The following OSBPL9 variants were observed in gnomAD, a reference collection of about 807,000 sequenced individuals.
The protein encoded by OSBPL9 is oxysterol binding protein like 9, also known as oxysterol-binding protein-related protein 9.
OSBPL9 carries 40 observed loss-of-function variants against 106.6 expected under a neutral mutation model. The observed-to-expected ratio is 0.38, with a 90% CI of 0.29 to 0.49. OSBPL9 has a LOEUF of 0.49. Ranked by LOEUF, OSBPL9 falls within the 20% of genes least tolerant of loss-of-function variation. The probability of loss-of-function intolerance (pLI) is 0.97; values close to 1 mark genes in which losing one functional copy is unlikely to be tolerated. For missense variants in OSBPL9, 609 were observed against 887.2 expected (o/e 0.69, Z 3.98); for synonymous variants, 269 against 295.4 (o/e 0.91, Z 0.92).
chr1:51,730,069 C>T (rs1202128647), intron 4 of OSBPL9: 3 of 1,274,704 alleles, frequency 2.4e-6, no homozygotes, highest in African/African-American at 3.1e-5. Flanking sequence ...GTCCCGGCCG[C>T]CAGGCCGGAG....
intron 4 of OSBPL9, among the ~76,000 whole-genome samples, chr1:51,719,918 G>A (rs188144698): frequency 1.3e-5 from 2 of 152,314 alleles, no homozygotes; most frequent in African/African-American, 4.8e-5. Context: ...GGTACTCATC[G>A]TTAGGGTATA....
the OSBPL9 span, among the ~76,000 whole-genome samples, chr1:51,526,182 G>A: frequency 6.6e-6 from 1 of 152,190 alleles, no homozygotes; most frequent in Non-Finnish European, 1.5e-5. Flanking sequence ...CTGCCTGAAT[G>A]TTCTTTTTAA....
chr1:51,759,047 CCAAG>C (rs1670955185), intron 9 of OSBPL9, among the ~76,000 whole-genome samples: 1 of 151,858 alleles, frequency 6.6e-6, no homozygotes, highest in South Asian at 2.1e-4. Context: ...ATTAAAAACT[CCAAG>C]TCTCTGTTTC....
chr1:51,786,416 A>C, intron 21 of OSBPL9, 110 bp from the exon 22 acceptor site: 1 of 673,898 alleles, frequency 1.5e-6, no homozygotes, highest in Non-Finnish European at 2.6e-6. Context: ...GGAGCCAGTT[A>C]ACTGCATTTT....
intron 4 of OSBPL9, among the ~76,000 whole-genome samples, chr1:51,731,698 A>G (rs1343453079): frequency 1.3e-5 from 2 of 148,912 alleles, no homozygotes; most frequent in African/African-American, 5.0e-5. Context: ...AATCGCATAA[A>G]CCCTGGAGGG....
At chr1:51,614,830 C>T (rs981102948), upstream of OSBPL9, among the ~76,000 whole-genome samples, 8 of 151,994 alleles carry the variant, frequency 5.3e-5, no homozygotes, top group African/African-American at 1.5e-4. Flanking sequence ...AAGGGGACAC[C>T]GAGGCACAGA....
At chr1:51,784,836 C>T (rs1039974738) in intron 20 of OSBPL9, 2 of 485,554 alleles carry the variant, frequency 4.1e-6, no homozygotes, top group East Asian at 3.7e-5. Context: ...CTAAAAGAGG[C>T]CTTCCTAGGT....
At chr1:51,744,077 A>G (rs1008760416) in intron 4 of OSBPL9, among the ~76,000 whole-genome samples, 17 of 152,166 alleles carry the variant, frequency 1.1e-4, no homozygotes, top group Admixed American at 5.9e-4. Context: ...ATAGACATTT[A>G]TCGCCTTTGA....
chr1:51,536,727 T>A, the OSBPL9 span, among the ~76,000 whole-genome samples: 2 of 152,158 alleles, frequency 1.3e-5, no homozygotes, highest in Non-Finnish European at 2.9e-5. Context: ...CTGTAGTGTC[T>A]CCCCCTGTTT....
At position 51,729,802 on chromosome 1, in the gene OSBPL9, AGGGGTGGGGGGTGAAGGGGGTGAAG is replaced by A. The variant is rs908673837; in HGVS notation, c.319-15727_319-15703del. The stretch of plus-strand genomic sequence containing the variant: ...CCCTCCGCCGGGGAGGGGACGGGAA[AGGGGTGGGGGGTGAAGGGGGTGAAG>A]GGGGTGTCCCGGGGGACGGGCTGAA... On this transcript the variant is annotated intron_variant, in intron 4 of 23. Coordinates refer to ENST00000428468, the MANE Select transcript of OSBPL9 (RefSeq NM_024586.6). The surrounding 1 kb of genome is among the most constrained non-coding windows in gnomAD (Gnocchi z 5.1). The A allele has an allele frequency of 1.7e-6, 2 of 1,171,506 alleles. No individual in the cohort carries two copies. Among genetic ancestry groups the A allele is most frequent in the African/African-American group, 3.4e-5 (2 of 58,774 alleles). 72.6% of individuals were successfully genotyped at this position (1,171,506 alleles called of 1,614,324 possible). A position where few individuals can be genotyped will look rare whatever the true frequency, so the allele number is the denominator to read the frequency against.
upstream of OSBPL9, among the ~76,000 whole-genome samples, chr1:51,615,293 CAG>C (rs1248781085): frequency 6.6e-6 from 1 of 152,008 alleles, no homozygotes; most frequent in East Asian, 1.9e-4. Context: ...ACAAAAAAAA[CAG>C]AAACTCATTC....
At chr1:51,695,656 G>T (rs1019858962) in intron 3 of OSBPL9, among the ~76,000 whole-genome samples, 4 of 152,168 alleles carry the variant, frequency 2.6e-5, no homozygotes, top group Non-Finnish European at 5.9e-5. Flanking sequence ...GGAACTAGGG[G>T]TGTCTGAAGC....
chr1:51,559,342 ATTAGAAG>A, the OSBPL9 span, among the ~76,000 whole-genome samples: 2 of 152,014 alleles, frequency 1.3e-5, no homozygotes, highest in Non-Finnish European at 2.9e-5. Context: ...GTCAGACCCG[ATTAGAAG>A]TTAGAAGAAA....
intron 3 of OSBPL9, among the ~76,000 whole-genome samples, chr1:51,685,326 T>C (rs2148812970): frequency 6.6e-6 from 1 of 152,278 alleles, no homozygotes; most frequent in South Asian, 2.1e-4. Context: ...TGGTAATGCG[T>C]AGACTGCACT....
chr1:51,759,525 G>A (rs762514897), intron 9 of OSBPL9: 1 of 151,966 alleles, frequency 6.6e-6, no homozygotes, highest in African/African-American at 2.4e-5. Flanking sequence ...AGTATCTTCT[G>A]TTATAAGCAC....
At chr1:51,780,876 T>G (rs1028858864) in intron 15 of OSBPL9, among the ~76,000 whole-genome samples, 5 of 151,910 alleles carry the variant, frequency 3.3e-5, no homozygotes, top group South Asian at 2.1e-4. Context: ...GGGTGATGGG[T>G]GCACCAAAAT....
chr1:51,612,993 T>C (rs991662150), upstream of OSBPL9, among the ~76,000 whole-genome samples: 1 of 152,186 alleles, frequency 6.6e-6, no homozygotes, highest in African/African-American at 2.4e-5. Flanking sequence ...ATAGTACAAA[T>C]CTTGAAGGAT....
At chr1:51,644,712 C>T (rs569450201) in intron 1 of OSBPL9, among the ~76,000 whole-genome samples, 18 of 152,202 alleles carry the variant, frequency 1.2e-4, no homozygotes, top group South Asian at 6.2e-4. Context: ...TAGCCCTTGC[C>T]GAGAATGGGA....
chr1:51,710,952 T>A (rs1469725961), intron 3 of OSBPL9, among the ~76,000 whole-genome samples: 1 of 152,226 alleles, frequency 6.6e-6, no homozygotes, highest in Non-Finnish European at 1.5e-5. Flanking sequence ...ATGCTCTCTT[T>A]TGTCTTCTTC....
Sources: allele counts gnomAD v4.1 joint callset (sites outside exome capture counted in the v4.1 genomes callset), GRCh38; gene constraint gnomAD v4.1.1; non-coding constraint Gnocchi (gnomAD v3.1); transcripts MANE v1.5; gene names NCBI Gene and HGNC (gene_info 2026-07-23, HGNC 2026-07-21).